TMEM170B: variants seen among roughly 807,000 people sequenced by gnomAD.
TMEM170B encodes transmembrane protein 170B.
In TMEM170B, 6 loss-of-function variants were observed where a neutral mutation model predicts 13.0. The observed-to-expected ratio is 0.46, with a 90% CI of 0.25 to 0.91. The LOEUF (loss-of-function observed/expected upper bound fraction) is 0.91, where lower values mean the gene tolerates loss of function less well. Ranked by LOEUF, TMEM170B falls within the 40% of genes least tolerant of loss-of-function variation. The probability of loss-of-function intolerance (pLI) is 0.17; values close to 1 mark genes in which losing one functional copy is unlikely to be tolerated. For missense variants in TMEM170B, 138 were observed against 165.2 expected, an observed-to-expected ratio of 0.84 and a Z score of 0.90; for synonymous variants, 61 against 64.9, an observed-to-expected ratio of 0.94 and a Z score of 0.29.
At chr6:11,571,175 C>CTTTTTTTTTTTTTTTT (rs11292093) in intron 2 of TMEM170B, among the ~76,000 whole-genome samples, 1 of 124,362 alleles carries the variant, frequency 8.0e-6, no homozygotes, top group Non-Finnish European at 1.8e-5. Context: ...CATATGCTTG[C>CTTTTTTTTTTTTTTTT]TTTTTTTTTT....
chr6:11,570,061 A>C (rs1759781240), intron 2 of TMEM170B, among the ~76,000 whole-genome samples: 2 of 152,102 alleles, frequency 1.3e-5, no homozygotes, highest in Non-Finnish European at 2.9e-5. Flanking sequence ...AAAAAGTATG[A>C]TAATGATTTT....
intron 1 of TMEM170B, among the ~76,000 whole-genome samples, chr6:11,563,445 T>G (rs374483817): frequency 2.5e-4 from 38 of 152,280 alleles, no homozygotes; most frequent in East Asian, 1.7e-3. Context: ...TTCAGTTCAG[T>G]TCTGACATTT....
chr6:11,539,768 G>C (rs1271556687), intron 1 of TMEM170B, among the ~76,000 whole-genome samples: 1 of 152,084 alleles, frequency 6.6e-6, no homozygotes, highest in Admixed American at 6.5e-5. Flanking sequence ...TTATGATTTT[G>C]CTTGCATTTA....
chr6:11,544,217 T>G (rs113184171), intron 1 of TMEM170B, among the ~76,000 whole-genome samples: 291 of 152,304 alleles, frequency 1.9e-3, no homozygotes, highest in African/African-American at 6.5e-3. Context: ...TCTGAAATTT[T>G]GAAATTCAAA....
At chr6:11,540,775 G>A (rs1403897793) in intron 1 of TMEM170B, among the ~76,000 whole-genome samples, 1 of 152,158 alleles carries the variant, frequency 6.6e-6, no homozygotes, top group African/African-American at 2.4e-5. Context: ...ATCTCTGGCA[G>A]TTTTAGCCTT....
rs1360966452 is a variant in TMEM170B, at chr6:11,578,117, T to A, written c.*2556T>A. ...AGCTTTTTTTCAGTGAACACTTTCA[T>A]GTTCTAGTGGAAAATTTGTTCAGTG... On this transcript the variant is annotated 3_prime_UTR_variant, in exon 3 of 3. Transcript: ENST00000379426. The A allele has an allele frequency of 6.6e-6, 1 of 152,126 alleles. No homozygotes were observed. Among genetic ancestry groups the A allele is most frequent in the Non-Finnish European group, 1.5e-5 (1 of 67,986 alleles). 9.4% of individuals were successfully genotyped at this position (152,126 alleles called of 1,614,324 possible).
At position 11,542,222 on chromosome 6, in the gene TMEM170B, A is replaced by G. The variant is rs1199220421; in HGVS notation, c.97+3848A>G. Among the ~76,000 whole-genome samples, 2 of 152,184 alleles carry G rather than the reference A, an allele frequency of 1.3e-5. 1 individual carries two copies. Among genetic ancestry groups the G allele is most frequent in the African/African-American group, 4.8e-5 (2 of 41,450 alleles). Reference sequence around the variant, plus strand: ...ATATTAATCACTGGATTAGCTCATCAAAGGGTTTTTAGAGAAAGTTAGCTT... The same window carrying G: ...ATATTAATCACTGGATTAGCTCATCGAAGGGTTTTTAGAGAAAGTTAGCTT... On this transcript the variant is annotated intron_variant, in intron 1 of 2. Coordinates refer to ENST00000379426, the MANE Select transcript of TMEM170B (RefSeq NM_001100829.3).
chr6:11,575,329 A>T lies in TMEM170B; in HGVS notation c.269-102A>T. ...TGGATAAAATGAGAAAAAAATGATG[A>T]CTTATGTTTTGATGAAATGAAAAGA... On this transcript the variant is annotated intron_variant, in intron 2 of 2. Transcript: ENST00000379426. This position sits in a 1 kb window ranked among gnomAD's most constrained non-coding sequence, Gnocchi z 4.1. 1 of 1,417,570 alleles carries T rather than the reference A, an allele frequency of 7.1e-7. No homozygotes were observed. Among genetic ancestry groups the T allele is most frequent in the Non-Finnish European group, 9.6e-7 (1 of 1,045,574 alleles). The allele number at this position is 1,417,570 out of a possible 1,614,324, so 87.8% of individuals were successfully genotyped here.
intron 1 of TMEM170B, among the ~76,000 whole-genome samples, chr6:11,557,977 A>G (rs1427644557): frequency 6.6e-6 from 1 of 152,098 alleles, no homozygotes; most frequent in Non-Finnish European, 1.5e-5. Flanking sequence ...TGGCACAATC[A>G]TAGCTCACTG....
chr6:11,558,594 C>A (rs1427811941), intron 1 of TMEM170B, among the ~76,000 whole-genome samples: 1 of 152,188 alleles, frequency 6.6e-6, no homozygotes, highest in Non-Finnish European at 1.5e-5. Flanking sequence ...CTCCAGCATA[C>A]AGCCAAGTCC....
At chr6:11,572,108 A>G (rs1459027348) in intron 2 of TMEM170B, among the ~76,000 whole-genome samples, 2 of 152,184 alleles carry the variant, frequency 1.3e-5, no homozygotes, top group Non-Finnish European at 2.9e-5. Context: ...ATTTGGCACT[A>G]TCTAGTCAAG....
intron 2 of TMEM170B, among the ~76,000 whole-genome samples, chr6:11,570,954 T>C (rs1561689150): frequency 6.6e-6 from 1 of 152,220 alleles, no homozygotes; most frequent in Admixed American, 6.5e-5. Context: ...AAAATCACTT[T>C]AAAAATGTGA....
At chr6:11,551,205 G>C (rs941172041) in intron 1 of TMEM170B, among the ~76,000 whole-genome samples, 1 of 152,060 alleles carries the variant, frequency 6.6e-6, no homozygotes, top group Admixed American at 6.6e-5. Flanking sequence ...GTTTTTTTCA[G>C]AATGAGAGAT....
At chr6:11,545,477 G>T (rs1199686866) in intron 1 of TMEM170B, among the ~76,000 whole-genome samples, 2 of 151,972 alleles carry the variant, frequency 1.3e-5, no homozygotes, top group Non-Finnish European at 2.9e-5. Context: ...TGTGATGATG[G>T]TCCCATAAGA....
At chr6:11,560,615 T>C (rs1230592648) in intron 1 of TMEM170B, among the ~76,000 whole-genome samples, 6 of 151,264 alleles carry the variant, frequency 4.0e-5, no homozygotes, top group Admixed American at 3.9e-4. Flanking sequence ...AACTAATTTC[T>C]AAAAATATTA....
rs1221469089 is a variant in TMEM170B at position 11,582,202 on chromosome 6, G to C, written c.*6641G>C. On this transcript the variant is annotated 3_prime_UTR_variant, in exon 3 of 3. Coordinates refer to ENST00000379426, the MANE Select transcript of TMEM170B (RefSeq NM_001100829.3). ...TCTTTATTTAAATAGCAAAAATATAGTTTACCTGACAAGTATTAAAAGTCT... is the reference window on the plus strand; with the variant it reads ...TCTTTATTTAAATAGCAAAAATATACTTTACCTGACAAGTATTAAAAGTCT... 1.3e-5 allele frequency: 2 copies of C among 152,170 alleles called. No homozygotes were observed. Among genetic ancestry groups the C allele is most frequent in the Non-Finnish European group, 2.9e-5 (2 of 68,034 alleles). The allele number at this position is 152,170 out of a possible 1,614,324, so 9.4% of individuals were successfully genotyped here.
chr6:11,541,840 T>G (rs1490725480), intron 1 of TMEM170B, among the ~76,000 whole-genome samples: 1 of 152,094 alleles, frequency 6.6e-6, no homozygotes, highest in East Asian at 1.9e-4. Flanking sequence ...TGGCCTGATT[T>G]CAATATTGTT....
At chr6:11,548,823 A>G (rs1759476776) in intron 1 of TMEM170B, among the ~76,000 whole-genome samples, 1 of 151,998 alleles carries the variant, frequency 6.6e-6, no homozygotes. Context: ...TGTCGCAAGG[A>G]CAGAAAACCA....
chr6:11,543,009 T>G (rs1759383191), intron 1 of TMEM170B, among the ~76,000 whole-genome samples: 1 of 152,160 alleles, frequency 6.6e-6, no homozygotes, highest in Admixed American at 6.5e-5. Flanking sequence ...GCCTCTAGAC[T>G]CCTCTTTCTT....
Sources: allele counts gnomAD v4.1 joint callset (sites outside exome capture counted in the v4.1 genomes callset), GRCh38; gene constraint gnomAD v4.1.1; non-coding constraint Gnocchi (gnomAD v3.1); transcripts MANE v1.5; gene names NCBI Gene and HGNC (gene_info 2026-07-23, HGNC 2026-07-21).